The following CNTN5 variants were observed in gnomAD, a reference collection of about 807,000 sequenced individuals.
CNTN5 encodes the protein contactin-5.
Under a neutral mutation model 129.1 loss-of-function variants are expected in CNTN5, and 77 were observed. That is an observed-to-expected ratio of 0.60 (90% CI 0.50 to 0.72). The LOEUF is 0.72. CNTN5 is among the 30% of genes least tolerant of loss of function. The pLI is 0.00. For missense variants in CNTN5, 1,478 were observed against 1,328.8 expected (o/e 1.11, Z -1.75); for synonymous variants, 509 against 465.6 (o/e 1.09, Z -1.20).
At chr11:99,382,074 C>T (rs902609544) in intron 2 of CNTN5, among the ~76,000 whole-genome samples, 91 of 141,932 alleles carry the variant, frequency 6.4e-4, no homozygotes, top group Non-Finnish European at 9.8e-5. Context: ...TTACAAATGC[C>T]TCAGGGAAAA....
intron 8 of CNTN5, among the ~76,000 whole-genome samples, chr11:99,962,674 G>C (rs1331478853): frequency 6.6e-6 from 1 of 150,766 alleles, no homozygotes; most frequent in Non-Finnish European, 1.5e-5. Context: ...TATATACCCA[G>C]TAATGGGATG....
chr11:99,118,871 A>T (rs1169590450), intron 1 of CNTN5, among the ~76,000 whole-genome samples: 6 of 151,190 alleles, frequency 4.0e-5, no homozygotes, highest in Non-Finnish European at 8.8e-5. Flanking sequence ...ATAAGTATGA[A>T]ATATCTAAAT....
At chr11:99,619,917 T>A (rs1950880336) in intron 3 of CNTN5, among the ~76,000 whole-genome samples, 2 of 150,358 alleles carry the variant, frequency 1.3e-5, no homozygotes, top group South Asian at 4.2e-4. Context: ...TCCCAGCTAC[T>A]CGGAAGGCTG....
chr11:100,129,402 T>C (rs1221999498), intron 13 of CNTN5, among the ~76,000 whole-genome samples: 2 of 152,122 alleles, frequency 1.3e-5, no homozygotes, highest in African/African-American at 2.4e-5. Flanking sequence ...TGCCATTCTA[T>C]GACCATTTTT....
chr11:99,670,809 T>C (rs897571943), intron 3 of CNTN5, among the ~76,000 whole-genome samples: 1 of 152,162 alleles, frequency 6.6e-6, no homozygotes, highest in East Asian at 1.9e-4. Context: ...ACTGTGCTGC[T>C]TGGACGCATT....
At chr11:99,637,813 C>T (rs670477) in intron 3 of CNTN5, among the ~76,000 whole-genome samples, 90,903 of 151,300 alleles carry the variant, frequency 0.6, 28,138 homozygotes, top group Admixed American at 0.69. Flanking sequence ...TTATTTTATA[C>T]ATATTCAAAA....
Position 99,657,193 on chromosome 11 carries a change from A to C in CNTN5, c.55+100924A>C. ...TTGTAAATTACAAAAAACATTCCTAACCATCTACTTAGCACCTTACTGGAG... is the reference window on the plus strand; with the variant it reads ...TTGTAAATTACAAAAAACATTCCTACCCATCTACTTAGCACCTTACTGGAG... On this transcript the variant is annotated intron_variant, in intron 3 of 24. Coordinates refer to ENST00000524871, the MANE Select transcript of CNTN5 (RefSeq NM_014361.4). 1.3e-5 allele frequency among the ~76,000 whole-genome samples: 2 copies of C among 152,142 alleles called. 1 individual carries two copies. The highest frequency in any genetic ancestry group is 3.9e-4 in the East Asian group (2 of 5,192).
chr11:99,901,180 C>T (rs1392342499), intron 6 of CNTN5, among the ~76,000 whole-genome samples: 1 of 152,180 alleles, frequency 6.6e-6, no homozygotes, highest in Non-Finnish European at 1.5e-5. Flanking sequence ...TGGTAGCTAT[C>T]ATCATCACCA....
intron 16 of CNTN5, among the ~76,000 whole-genome samples, chr11:100,229,957 G>C (rs1448373051): frequency 6.6e-6 from 1 of 152,132 alleles, no homozygotes; most frequent in Non-Finnish European, 1.5e-5. Context: ...GAACGCAAGA[G>C]AGTCTCCAGT....
intron 13 of CNTN5, among the ~76,000 whole-genome samples, chr11:100,080,828 T>G (rs1944336681): frequency 6.6e-6 from 1 of 152,164 alleles, no homozygotes; most frequent in Non-Finnish European, 1.5e-5. Flanking sequence ...AATGTACAAT[T>G]TGAATTTATA....
At chr11:100,194,305 C>T (rs892922492) in intron 15 of CNTN5, among the ~76,000 whole-genome samples, 1 of 151,746 alleles carries the variant, frequency 6.6e-6, no homozygotes, top group Non-Finnish European at 1.5e-5. Flanking sequence ...CCCACATGGA[C>T]TTATTTAAAA....
intron 10 of CNTN5, among the ~76,000 whole-genome samples, chr11:100,062,135 G>T (rs1045579492): frequency 3.3e-5 from 5 of 151,992 alleles, no homozygotes; most frequent in Non-Finnish European, 5.9e-5. Context: ...ATATATAATG[G>T]GTAAGTTAGG....
intron 3 of CNTN5, among the ~76,000 whole-genome samples, chr11:99,581,014 A>T (rs1949565299): frequency 6.7e-6 from 1 of 148,434 alleles, no homozygotes; most frequent in Non-Finnish European, 1.5e-5. Context: ...TATGTCCCAG[A>T]GATTCTGGTA....
chr11:99,061,952 A>G, intron 1 of CNTN5, among the ~76,000 whole-genome samples: 1 of 151,586 alleles, frequency 6.6e-6, no homozygotes, highest in East Asian at 1.9e-4. Context: ...CGGTTGCACT[A>G]CCTCACTCCA....
At chr11:99,494,708 C>T (rs1946161191) in intron 2 of CNTN5, among the ~76,000 whole-genome samples, 1 of 152,118 alleles carries the variant, frequency 6.6e-6, no homozygotes, top group Non-Finnish European at 1.5e-5. Flanking sequence ...TATAGCTGAA[C>T]GAGTGCAGGC....
At chr11:99,058,380 C>T (rs1046974173) in intron 1 of CNTN5, among the ~76,000 whole-genome samples, 5 of 151,860 alleles carry the variant, frequency 3.3e-5, no homozygotes, top group Non-Finnish European at 7.4e-5. Flanking sequence ...GCCATAAACA[C>T]ACAAATAGTA....
chr11:100,004,934 A>G (rs952809963), intron 9 of CNTN5, among the ~76,000 whole-genome samples: 16 of 152,152 alleles, frequency 1.1e-4, no homozygotes, highest in Non-Finnish European at 1.5e-4. Flanking sequence ...TCATGGCTGA[A>G]GTCAAACAGA....
intron 15 of CNTN5, among the ~76,000 whole-genome samples, chr11:100,203,042 G>A (rs1426947128): frequency 6.6e-6 from 1 of 151,926 alleles, no homozygotes; most frequent in Non-Finnish European, 1.5e-5. Flanking sequence ...CTCTTTAGCT[G>A]GGTAACTACA....
intron 2 of CNTN5, among the ~76,000 whole-genome samples, chr11:99,375,658 C>A (rs1003938004): frequency 1.3e-5 from 2 of 152,104 alleles, no homozygotes; most frequent in African/African-American, 4.8e-5. Flanking sequence ...TCCCATGTAT[C>A]TGGAATTCTG....
Sources: gnomAD v4.1 joint callset for allele counts (sites outside exome capture counted in the v4.1 genomes callset) on GRCh38, gnomAD v4.1.1 for gene constraint, MANE v1.5 for transcripts, NCBI Gene and HGNC (gene_info 2026-07-23, HGNC 2026-07-21) for gene names.